DENND4A: variants seen among roughly 807,000 people sequenced by gnomAD.
The protein encoded by DENND4A is C-myc promoter-binding protein.
In DENND4A, 70 loss-of-function variants were observed where a neutral mutation model predicts 199.3. The ratio of observed to expected loss-of-function variants is 0.35; its 90% confidence interval spans 0.29 to 0.43. The LOEUF (loss-of-function observed/expected upper bound fraction) is 0.43. DENND4A is among the 20% of genes least tolerant of loss of function. The pLI is 1.00. For synonymous variants in DENND4A, 686 were observed against 766.9 expected, an observed-to-expected ratio of 0.89 and a Z score of 1.74; for missense variants, 1,723 against 2,255.8, an observed-to-expected ratio of 0.76 and a Z score of 4.78.
At chr15:65,685,108 T>A (rs1304544058) in intron 23 of DENND4A, among the ~76,000 whole-genome samples, 1 of 151,670 alleles carries the variant, frequency 6.6e-6, no homozygotes, top group Non-Finnish European at 1.5e-5. Flanking sequence ...ATTACAGGCA[T>A]GAGCCACCAC....
rs754686292 is a variant in DENND4A at position 65,732,797 on chromosome 15, A to T, written c.1062T>A (p.His354Gln). 6.2e-7 allele frequency: 1 copy of T among 1,601,504 alleles called. No homozygotes were observed. The highest frequency in any genetic ancestry group is 8.5e-7 in the Non-Finnish European group (1 of 1,169,842). The change falls in exon 8 of 33, where the codon CAT becomes CAA. Residue 354 changes from histidine (H) to glutamine (Q), a missense_variant. By Grantham distance (24) the His-to-Gln change is conservative. Transcript: ENST00000443035. ...TCTGAGGAGATGGAAAAGGAACTTT[A>T]TGCATAAAATGAGAAATATGCCTTG... ...PIEKHISHFM[H>Q]KVPFPSPQRP...
At chr15:65,780,174 T>C (rs952011679) in intron 1 of DENND4A, among the ~76,000 whole-genome samples, 2 of 152,156 alleles carry the variant, frequency 1.3e-5, no homozygotes, top group African/African-American at 4.8e-5. Flanking sequence ...AGCGTTGGGA[T>C]TACAGGTGTG....
chr15:65,710,946 T>C (rs2075231852), intron 14 of DENND4A, among the ~76,000 whole-genome samples: 1 of 152,204 alleles, frequency 6.6e-6, no homozygotes, highest in Admixed American at 6.5e-5. Context: ...GCCATAACTG[T>C]AGGTTTCTTG....
In DENND4A at chr15:65,696,484, C is replaced by T. The variant is rs766412975; in HGVS notation, c.2964G>A (p.Glu988=). 4 of 1,611,348 alleles carry T rather than the reference C, an allele frequency of 2.5e-6. No homozygotes were observed. Among genetic ancestry groups the T allele is most frequent in the East Asian group, 2.2e-5 (1 of 44,798 alleles). The change falls in exon 22 of 33, where the codon GAG becomes GAA. Residue 988 remains glutamate (E), a synonymous_variant. Transcript: ENST00000443035. ...GSDCSSLSES[E]STKGSADCLP... is the part of the protein sequence containing the mutation. ...GGCAATCAGCACTTCCTTTTGTACT[C>T]TCACTCTCTGACACTGTAAAGATGA...
chr15:65,668,240 G>GA, intron 27 of DENND4A, 117 bp from the exon 28 acceptor site: 1 of 771,566 alleles, frequency 1.3e-6, no homozygotes, highest in Non-Finnish European at 1.9e-6. Flanking sequence ...ACAGAGTCTT[G>GA]CTCTGTCACC....
chr15:65,719,161 C>T (rs1426570641), intron 12 of DENND4A: 1 of 151,658 alleles, frequency 6.6e-6, no homozygotes, highest in East Asian at 1.9e-4. Flanking sequence ...TTATATAATA[C>T]ATATATATGT....
chr15:65,781,777 T>A (rs563950305), intron 1 of DENND4A, among the ~76,000 whole-genome samples: 1 of 152,296 alleles, frequency 6.6e-6, no homozygotes, highest in South Asian at 2.1e-4. Flanking sequence ...GAGTAATGGG[T>A]AGATACATGG....
intron 25 of DENND4A, 51 bp downstream of exon 25, chr15:65,671,741 G>T: frequency 8.2e-7 from 1 of 1,219,282 alleles, no homozygotes; most frequent in Non-Finnish European, 1.2e-6. Flanking sequence ...CTTAAGAAAT[G>T]TGCATTTTAT....
At chr15:65,718,426 A>G (rs182421108) in intron 12 of DENND4A, among the ~76,000 whole-genome samples, 89 of 152,260 alleles carry the variant, frequency 5.8e-4, no homozygotes, top group African/African-American at 2.0e-3. Context: ...AAGGCAATAG[A>G]ATATAAGAAA....
At chr15:65,697,065 T>C (rs77257498) in intron 21 of DENND4A, 36 of 461,602 alleles carry the variant, frequency 7.8e-5, no homozygotes, top group African/African-American at 6.3e-4. Context: ...ATTTGGGAAG[T>C]GTTTTGCCAC....
At chr15:65,741,816 T>C in intron 4 of DENND4A, 32 bp from the exon 5 acceptor site, 1 of 1,554,698 alleles carries the variant, frequency 6.4e-7, no homozygotes, top group Admixed American at 1.7e-5. Flanking sequence ...TATCATTTAA[T>C]TTTTAAAAGG....
intron 12 of DENND4A, among the ~76,000 whole-genome samples, chr15:65,720,080 G>T (rs2075563567): frequency 6.6e-6 from 1 of 152,134 alleles, no homozygotes; most frequent in Non-Finnish European, 1.5e-5. Context: ...TTTGGAACTG[G>T]ATCCTTTTGT....
At chr15:65,694,638 C>A (rs1488001801) in intron 22 of DENND4A, among the ~76,000 whole-genome samples, 1 of 151,774 alleles carries the variant, frequency 6.6e-6, no homozygotes, top group Non-Finnish European at 1.5e-5. Flanking sequence ...TAAATAAACC[C>A]GAAAAATGCT....
intron 12 of DENND4A, 66 bp from the exon 13 acceptor site, chr15:65,718,062 A>C: frequency 1.6e-6 from 2 of 1,228,274 alleles, no homozygotes; most frequent in Non-Finnish European, 2.2e-6. Context: ...GTACCAATAT[A>C]ATTTTGTTGT....
At chr15:65,750,639 G>A (rs2076535595) in intron 4 of DENND4A, among the ~76,000 whole-genome samples, 1 of 152,030 alleles carries the variant, frequency 6.6e-6, no homozygotes, top group African/African-American at 2.4e-5. Context: ...CATGGAAGTA[G>A]GAACAAGAAC....
chr15:65,745,416 A>G (rs1295148416), intron 4 of DENND4A, among the ~76,000 whole-genome samples: 1 of 152,198 alleles, frequency 6.6e-6, no homozygotes, highest in Non-Finnish European at 1.5e-5. Flanking sequence ...TAGCCTTGGG[A>G]AATTTTCTCT....
At position 65,698,855 on chromosome 15, in the gene DENND4A, C is replaced by T. The variant is rs189182171; in HGVS notation, c.2834-1472G>A. 1.5e-4 allele frequency among the ~76,000 whole-genome samples: 22 copies of T among 149,820 alleles called. No individual in the cohort carries two copies. The East Asian group carries it at 2.9e-3, about 20-fold the overall frequency. ...TGGGTTCAAGCAATTCTCGTGCCTA[C>T]GCCTCCCAAGTAGCTGGGATTACAG... On this transcript the variant is annotated intron_variant, in intron 20 of 32. Transcript: ENST00000443035.
intron 12 of DENND4A, among the ~76,000 whole-genome samples, chr15:65,718,334 G>C (rs2075479081): frequency 6.6e-6 from 1 of 152,074 alleles, no homozygotes; most frequent in African/African-American, 2.4e-5. Flanking sequence ...GGCAACATAA[G>C]AGAGATTCTG....
chr15:65,763,177 A>G (rs984307813), intron 1 of DENND4A, among the ~76,000 whole-genome samples: 1 of 152,188 alleles, frequency 6.6e-6, no homozygotes, highest in Non-Finnish European at 1.5e-5. Context: ...GAAGTTCAGT[A>G]AGAGTCAATA....
Sources: allele counts gnomAD v4.1 joint callset (sites outside exome capture counted in the v4.1 genomes callset), GRCh38; gene constraint gnomAD v4.1.1; transcripts MANE v1.5; gene names NCBI Gene and HGNC (gene_info 2026-07-23, HGNC 2026-07-21).